The following RAB11FIP1 variants were observed in gnomAD, a reference collection of about 807,000 sequenced individuals.
RAB11FIP1 encodes the protein rab11 family-interacting protein 1.
In RAB11FIP1, 49 loss-of-function variants were observed where a neutral mutation model predicts 83.1. The ratio of observed to expected loss-of-function variants is 0.59; its 90% CI spans 0.47 to 0.75. The LOEUF is 0.75. Among genes scored for constraint, RAB11FIP1 ranks in the 30% least tolerant of loss-of-function variants. The pLI, the probability that RAB11FIP1 is intolerant of heterozygous loss-of-function variation, is 0.00. For missense variants in RAB11FIP1, 1,536 were observed against 1,598.7 expected, an observed-to-expected ratio of 0.96 and a Z score of 0.67; for synonymous variants, 670 against 656.0, an observed-to-expected ratio of 1.02 and a Z score of -0.33.
intron 1 of RAB11FIP1, among the ~76,000 whole-genome samples, chr8:37,885,346 T>C (rs1806811642): frequency 6.6e-6 from 1 of 152,158 alleles, no homozygotes; most frequent in Admixed American, 6.6e-5. Context: ...ATTCAAATCA[T>C]ACAAAATGGT....
chr8:37,876,335 G>C (rs117858392), intron 2 of RAB11FIP1, among the ~76,000 whole-genome samples: 2 of 151,814 alleles, frequency 1.3e-5, no homozygotes, highest in South Asian at 4.2e-4. Context: ...GGTTCACACC[G>C]GTCATAAGAG....
intron 1 of RAB11FIP1, among the ~76,000 whole-genome samples, chr8:37,895,916 G>A (rs946860670): frequency 2.6e-5 from 4 of 152,030 alleles, no homozygotes; most frequent in Non-Finnish European, 5.9e-5. Context: ...TACAGACCAA[G>A]ATTTTAGCTT....
intron 1 of RAB11FIP1, among the ~76,000 whole-genome samples, chr8:37,888,829 G>A (rs1319178691): frequency 2.5e-5 from 3 of 122,048 alleles, no homozygotes; most frequent in South Asian, 2.5e-4. Context: ...ATGGAGTCTC[G>A]CTTTTTTGCC....
In RAB11FIP1 at chr8:37,877,673, T is replaced by A. The variant is rs1806645664; in HGVS notation, c.372-122A>T. 1.3e-5 allele frequency: 8 copies of A among 625,388 alleles called. No homozygotes were observed. In the South Asian group the frequency reaches 1.6e-4, roughly 12 times the overall value. The allele number at this position is 625,388 out of a possible 1,614,324, so 38.7% of individuals were successfully genotyped here. A position where few individuals can be genotyped will look rare whatever the true frequency, so the allele number is the denominator to read the frequency against. The stretch of plus-strand genomic sequence containing the variant: ...AGCCTCTTCAATGCATGCATTCTCA[T>A]GCTTTCTCTTCGGGAAGTGGTAGAT... On this transcript the variant is annotated intron_variant, in intron 1 of 5. Coordinates refer to ENST00000330843, the MANE Select transcript of RAB11FIP1 (RefSeq NM_001002814.3).
chr8:37,890,330 A>C (rs1177142586), intron 1 of RAB11FIP1, among the ~76,000 whole-genome samples: 1 of 152,092 alleles, frequency 6.6e-6, no homozygotes, highest in East Asian at 1.9e-4. Context: ...GTCCTTTTTT[A>C]AAAAGTGAAG....
At position 37,874,860 on chromosome 8, in the gene RAB11FIP1, C is replaced by G; in HGVS notation, c.1277G>C (p.Ser426Thr). 6.2e-7 allele frequency: 1 copy of G among 1,614,174 alleles called. No homozygotes were observed. The highest frequency in any genetic ancestry group is 1.6e-4 in the Middle Eastern group (1 of 6,062). ...NSEATKEAKE[S>T]KKPESRRSSL... ...GGACCTCCTGCTCTCTGGCTTCTTGCTCTCCTTAGCTTCTTTTGTGGCCTC... is the reference window on the plus strand; with the variant it reads ...GGACCTCCTGCTCTCTGGCTTCTTGGTCTCCTTAGCTTCTTTTGTGGCCTC... The change falls in exon 3 of 6, where the codon AGC (serine) becomes ACC (threonine). Residue 426 changes from serine (S) to threonine (T), a missense_variant. Coordinates refer to ENST00000330843, the MANE Select transcript of RAB11FIP1 (RefSeq NM_001002814.3).
At chr8:37,891,051 C>T (rs1806938521) in intron 1 of RAB11FIP1, among the ~76,000 whole-genome samples, 1 of 152,220 alleles carries the variant, frequency 6.6e-6, no homozygotes, top group Admixed American at 6.5e-5. Context: ...GACATGGTCC[C>T]TGTCCCAGAG....
At chr8:37,863,583 T>G (rs958358381) in intron 5 of RAB11FIP1, among the ~76,000 whole-genome samples, 2 of 152,224 alleles carry the variant, frequency 1.3e-5, no homozygotes, top group Non-Finnish European at 2.9e-5. Context: ...GAAAACAGGT[T>G]GTTGACTGAT....
In RAB11FIP1 at chr8:37,872,919, G is replaced by C; in HGVS notation, c.1883C>G (p.Pro628Arg). The C allele has an allele frequency of 6.2e-7, 1 of 1,614,218 alleles. No homozygotes were observed. Residue 628 changes from proline to arginine, a missense_variant, in exon 4 of 6, where the codon CCA (proline) becomes CGA (arginine). Transcript: ENST00000330843. ...VDRGQAKSEG[P>R]PLLPKAELQT... is the part of the protein sequence containing the mutation. ...CAACTCTGCCTTAGGGAGCAAGGGT[G>C]GTCCTTCAGACTTGGCCTGGCCCCT...
intron 1 of RAB11FIP1, among the ~76,000 whole-genome samples, chr8:37,878,275 C>T (rs1806660634): frequency 6.6e-6 from 1 of 151,840 alleles, no homozygotes; most frequent in Non-Finnish European, 1.5e-5. Context: ...TGGCTCACAC[C>T]TGTAATCCCA....
rs1027360277 is a variant in RAB11FIP1, at chr8:37,860,231, G to A, written c.*2664C>T. 1 of 152,694 alleles carries A rather than the reference G, an allele frequency of 6.5e-6. No individual in the cohort carries two copies. The highest frequency in any genetic ancestry group is 1.5e-5 in the Non-Finnish European group (1 of 68,110). The allele number at this position is 152,694 out of a possible 1,614,324, so 9.5% of individuals were successfully genotyped here. Reference sequence around the variant, plus strand: ...TCTCTACGCCAGCTCTCCAATGGAAGAAGAACCACATAGAGCACACCTGCC... The same window carrying A: ...TCTCTACGCCAGCTCTCCAATGGAAAAAGAACCACATAGAGCACACCTGCC... On this transcript the variant is annotated 3_prime_UTR_variant, in exon 6 of 6. Coordinates refer to ENST00000330843, the MANE Select transcript of RAB11FIP1 (RefSeq NM_001002814.3).
intron 1 of RAB11FIP1, among the ~76,000 whole-genome samples, chr8:37,889,607 C>T (rs1806906446): frequency 6.6e-6 from 1 of 152,152 alleles, no homozygotes; most frequent in Non-Finnish European, 1.5e-5. Context: ...GTTCACCACC[C>T]CTTAACCAGG....
At chr8:37,870,384 T>A (rs1171724777) in intron 5 of RAB11FIP1, 36 bp downstream of exon 5, 6 of 1,241,260 alleles carry the variant, frequency 4.8e-6, no homozygotes, top group Non-Finnish European at 7.1e-6. Context: ...GTTCTGTCAA[T>A]CCCTAACGAA....
chr8:37,882,858 G>A (rs1361067926), intron 1 of RAB11FIP1, among the ~76,000 whole-genome samples: 1 of 152,226 alleles, frequency 6.6e-6, no homozygotes, highest in African/African-American at 2.4e-5. Context: ...TCCTCCCTCG[G>A]GACCAATTAT....
intron 1 of RAB11FIP1, among the ~76,000 whole-genome samples, chr8:37,880,598 A>C (rs934025057): frequency 1.3e-5 from 2 of 151,822 alleles, no homozygotes; most frequent in African/African-American, 2.4e-5. Flanking sequence ...GTGGCTAAAA[A>C]TATTTTTTTT....
chr8:37,864,762 C>T (rs2411198), intron 5 of RAB11FIP1, among the ~76,000 whole-genome samples: 2 of 152,178 alleles, frequency 1.3e-5, no homozygotes, highest in Non-Finnish European at 2.9e-5. Context: ...ACCTGCTTCT[C>T]CCCTAATCTT....
rs1585454425 is a variant in RAB11FIP1, at chr8:37,898,882, G to C, written c.371+189C>G. On this transcript the variant is annotated intron_variant, in intron 1 of 5. Transcript: ENST00000330843. ...CCTTCTTCCAAGAAGACCCAAAGCT[G>C]GCAGAGCTGGGCGGGACAGCCGCAG... Among the ~76,000 whole-genome samples the C allele has an allele frequency of 2.0e-5, 3 of 151,724 alleles. No homozygotes were observed. The East Asian group carries it at 5.8e-4, about 29-fold the overall frequency.
Position 37,860,467 on chromosome 8 carries a change from G to A in RAB11FIP1, c.*2428C>T, listed in dbSNP as rs1320412656. The A allele has an allele frequency of 1.3e-5, 2 of 152,000 alleles. No individual in the cohort carries two copies. The highest frequency in any genetic ancestry group is 2.1e-4 in the South Asian group (1 of 4,822). The allele number at this position is 152,000 out of a possible 1,614,324, so 9.4% of individuals were successfully genotyped here. A position where few individuals can be genotyped will look rare whatever the true frequency, so the allele number is the denominator to read the frequency against. On this transcript the variant is annotated 3_prime_UTR_variant, in exon 6 of 6. Transcript: ENST00000330843. ...AGCGATTCTTGTGCCTCAGCCTCCC[G>A]AGCAGCTGAGATTACAGCTGTCTGC...
intron 1 of RAB11FIP1, among the ~76,000 whole-genome samples, chr8:37,878,817 T>C (rs993435048): frequency 2.6e-5 from 4 of 151,292 alleles, no homozygotes; most frequent in South Asian, 2.1e-4. Context: ...CTGGGCAATA[T>C]TGCGAGACTC....
Sources: gnomAD v4.1 joint callset for allele counts (sites outside exome capture counted in the v4.1 genomes callset) on GRCh38, gnomAD v4.1.1 for gene constraint, MANE v1.5 for transcripts, NCBI Gene and HGNC (gene_info 2026-07-23, HGNC 2026-07-21) for gene names.